VASH2: variants seen among roughly 807,000 people sequenced by gnomAD.
VASH2 encodes vasohibin 2, also known as tubulinyl-Tyr carboxypeptidase 2.
In VASH2, 28 loss-of-function variants were observed where a neutral mutation model predicts 37.2. The observed-to-expected ratio is 0.75, with a 90% CI of 0.56 to 1.03. The LOEUF is 1.03. Ranked by LOEUF, VASH2 falls within the 50% of genes least tolerant of loss-of-function variation. The pLI is 0.00. For synonymous variants in VASH2, 188 were observed against 174.7 expected (o/e 1.08, Z -0.60); for missense variants, 419 against 459.1 (o/e 0.91, Z 0.80).
Position 212,966,357 on chromosome 1 carries a change from GTTATGTATGCTTAGTTTACTCCA to G in VASH2, c.497+14_497+36del. 1 of 1,550,606 alleles carries G rather than the reference GTTATGTATGCTTAGTTTACTCCA, an allele frequency of 6.4e-7. No homozygotes were observed. The highest frequency in any genetic ancestry group is 1.4e-5 in the African/African-American group (1 of 73,166). Reference sequence around the variant, plus strand: ...GTCATCCTGGGCATGTATCCTTTAAGTTATGTATGCTTAGTTTACTCCATAAATGGCGGCTTCACAATGGGGCT... The same window carrying G: ...GTCATCCTGGGCATGTATCCTTTAAGTAAATGGCGGCTTCACAATGGGGCT... On this transcript the variant is annotated intron_variant, in intron 5 of 7. Coordinates refer to ENST00000517399, the MANE Select transcript of VASH2 (RefSeq NM_001301056.2).
At chr1:212,967,350 C>G (rs927058406) in intron 5 of VASH2, 54 of 1,217,978 alleles carry the variant, frequency 4.4e-5, no homozygotes, top group Non-Finnish European at 5.5e-5. Flanking sequence ...GGGATAGACC[C>G]AGGAACAGCC....
chr1:212,967,229 G>A (rs748147773), intron 5 of VASH2: 39 of 1,300,034 alleles, frequency 3.0e-5, no homozygotes, highest in African/African-American at 1.2e-4. Context: ...TGATGGCATC[G>A]ACATATTGGT....
At chr1:212,956,079 G>T (rs1238086250) in intron 2 of VASH2, among the ~76,000 whole-genome samples, 1 of 152,242 alleles carries the variant, frequency 6.6e-6, no homozygotes, top group Non-Finnish European at 1.5e-5. Context: ...TCTTGTTAAA[G>T]ATTCCTAGTG....
intron 7 of VASH2, among the ~76,000 whole-genome samples, chr1:212,987,088 A>G (rs982307995): frequency 3.9e-5 from 6 of 152,202 alleles, no homozygotes; most frequent in Admixed American, 3.3e-4. Flanking sequence ...GCAGAGATTA[A>G]TGCCATTCAC....
At position 212,973,557 on chromosome 1, in the gene VASH2, T is replaced by C; in HGVS notation, c.880-398T>C. On this transcript the variant is annotated intron_variant, in intron 6 of 7. Coordinates refer to ENST00000517399, the MANE Select transcript of VASH2 (RefSeq NM_001301056.2). ...CTGATCAATTAAAACCATTCTGTCA[T>C]ATGTGTGGGATGGGAGCATCAGAGG... 1.6e-5 allele frequency: 20 copies of C among 1,283,058 alleles called. No homozygotes were observed. The South Asian group carries it at 2.5e-4, about 16-fold the overall frequency. The allele number at this position is 1,283,058 out of a possible 1,614,324, so 79.5% of individuals were successfully genotyped here.
At chr1:212,961,509 C>T in intron 3 of VASH2, 1 of 587,560 alleles carries the variant, frequency 1.7e-6, no homozygotes, top group Non-Finnish European at 2.7e-6. Flanking sequence ...CTGTCCTTTC[C>T]CTTTTTCCCC....
At chr1:212,968,574 C>A (rs759263510) in intron 5 of VASH2, 82 of 985,362 alleles carry the variant, frequency 8.3e-5, no homozygotes, top group Admixed American at 1.8e-4. Flanking sequence ...AAACTTGAAC[C>A]TTACTGAGGC....
At chr1:212,970,290 T>A (rs1358330668) in intron 5 of VASH2, among the ~76,000 whole-genome samples, 1 of 152,150 alleles carries the variant, frequency 6.6e-6, no homozygotes, top group Non-Finnish European at 1.5e-5. Flanking sequence ...GCTTTACCAG[T>A]TGACATCATG....
At chr1:212,965,379 T>TA (rs1166604900) in intron 3 of VASH2, among the ~76,000 whole-genome samples, 3 of 152,158 alleles carry the variant, frequency 2.0e-5, no homozygotes, top group Non-Finnish European at 4.4e-5. Flanking sequence ...GACCATGTCT[T>TA]AAAAAAACTT....
At position 212,974,087 on chromosome 1, in the gene VASH2, C is replaced by T. The variant is rs746867271; in HGVS notation, c.995+17C>T. 1.9e-5 allele frequency: 30 copies of T among 1,601,898 alleles called. No individual in the cohort carries two copies. Among genetic ancestry groups the T allele is most frequent in the Non-Finnish European group, 2.1e-5 (25 of 1,172,766 alleles). ...AGAGAAGTCGTGAGTAATATTTCCT[C>T]TTCCCCAACTCAAAGCCCAACACAC... On this transcript the variant is annotated intron_variant, in intron 7 of 7. Coordinates refer to ENST00000517399, the MANE Select transcript of VASH2 (RefSeq NM_001301056.2).
At chr1:212,961,330 G>A in intron 3 of VASH2, 76 bp downstream of exon 3, 1 of 1,606,500 alleles carries the variant, frequency 6.2e-7, no homozygotes, top group South Asian at 1.1e-5. Context: ...TGGCAAATCT[G>A]TCCCCAGCTG....
chr1:212,956,609 G>A (rs1666505723), intron 2 of VASH2, among the ~76,000 whole-genome samples: 1 of 152,164 alleles, frequency 6.6e-6, no homozygotes, highest in African/African-American at 2.4e-5. Flanking sequence ...TATGCCCTGG[G>A]CTTTTCTTGA....
rs781735501 is a variant in VASH2, at chr1:212,951,687, T to C, written c.145T>C (p.Phe49Leu). Residue 49 changes from phenylalanine to leucine, a missense_variant, in exon 2 of 8, where the codon TTC becomes CTC. By Grantham distance (22) the Phe-to-Leu change is conservative. Transcript: ENST00000517399. This position sits in a 1 kb window ranked among gnomAD's most constrained non-coding sequence, Gnocchi z 4.4. ...EEEDKDGGVL[F>L]HVNKSGFPID... ...GGAGGACAAAGACGGCGGGGTGCTG[T>C]TCCACGTCAACAAGAGCGGCTTCCC... is the stretch of plus-strand genomic sequence containing the variant. The C allele has an allele frequency of 5.0e-6, 8 of 1,600,498 alleles. No homozygotes were observed. The African/African-American group carries it at 9.4e-5, about 19-fold the overall frequency.
intron 2 of VASH2, among the ~76,000 whole-genome samples, 198 bp downstream of exon 2, chr1:212,952,016 G>A (rs1427831026): frequency 6.6e-6 from 1 of 152,188 alleles, no homozygotes; most frequent in Non-Finnish European, 1.5e-5. Flanking sequence ...ATGGGGAAGG[G>A]AGAGGTAGCG....
In VASH2 at chr1:212,968,426, C is replaced by T. The variant is rs574258649; in HGVS notation, c.497+2081C>T. ...TTAGACTGGGGACAGGAGGATTGGT[C>T]TAGTCTGTTTTCTGGGTCTCCTGGA... On this transcript the variant is annotated intron_variant, in intron 5 of 7. Coordinates refer to ENST00000517399, the MANE Select transcript of VASH2 (RefSeq NM_001301056.2). The T allele has an allele frequency of 6.3e-5, 62 of 985,458 alleles. No individual in the cohort carries two copies. The African/African-American group carries it at 9.9e-4, about 16-fold the overall frequency. The allele number at this position is 985,458 out of a possible 1,614,324, so 61.0% of individuals were successfully genotyped here.
intron 5 of VASH2, chr1:212,969,044 A>C: frequency 1.3e-5 from 13 of 985,476 alleles, no homozygotes; most frequent in Non-Finnish European, 1.6e-5. Flanking sequence ...TGTCCAAATC[A>C]GAGACAGTGT....
intron 7 of VASH2, among the ~76,000 whole-genome samples, chr1:212,978,725 C>T (rs147419446): frequency 6.6e-6 from 1 of 152,114 alleles, no homozygotes; most frequent in Non-Finnish European, 1.5e-5. Flanking sequence ...CAACTAGGGC[C>T]GAGTGGCCTT....
At chr1:212,959,599 G>A (rs1458682192) in intron 2 of VASH2, among the ~76,000 whole-genome samples, 4 of 152,234 alleles carry the variant, frequency 2.6e-5, no homozygotes, top group Non-Finnish European at 5.9e-5. Flanking sequence ...GAATGTCAAG[G>A]AGTACTTGCA....
chr1:212,967,034 C>G, intron 5 of VASH2: 1 of 1,183,420 alleles, frequency 8.5e-7, no homozygotes, highest in South Asian at 1.3e-5. Context: ...CAGGAGCCAT[C>G]GCGCCTGGCT....
Sources: gnomAD v4.1 joint callset for allele counts (sites outside exome capture counted in the v4.1 genomes callset) on GRCh38, gnomAD v4.1.1 for gene constraint, Gnocchi (gnomAD v3.1) non-coding constraint, MANE v1.5 for transcripts, NCBI Gene and HGNC (gene_info 2026-07-23, HGNC 2026-07-21) for gene names.